Variants in CA10 observed in about 807,000 individuals in gnomAD.
CA10 encodes carbonic anhydrase 10 (inactive).
CA10 carries 14 observed loss-of-function variants against 44.2 expected under a neutral mutation model. That is an observed-to-expected ratio of 0.32 (90% confidence interval 0.21 to 0.50). The LOEUF (loss-of-function observed/expected upper bound fraction) is 0.50. Ranked by LOEUF, CA10 falls within the 20% of genes least tolerant of loss-of-function variation. CA10 has a pLI of 0.99. For synonymous variants in CA10, 159 were observed against 141.6 expected, an observed-to-expected ratio of 1.12 and a Z score of -0.87; for missense variants, 350 against 409.7, an observed-to-expected ratio of 0.85 and a Z score of 1.26.
chr17:51,843,026 G>A (rs1167267524), intron 3 of CA10, among the ~76,000 whole-genome samples: 1 of 152,216 alleles, frequency 6.6e-6, no homozygotes, highest in East Asian at 1.9e-4. Context: ...TTGTGAATGT[G>A]TTGAAGTTGG....
intron 3 of CA10, among the ~76,000 whole-genome samples, chr17:51,863,689 A>G (rs1466118034): frequency 6.6e-6 from 1 of 152,172 alleles, no homozygotes; most frequent in Non-Finnish European, 1.5e-5. Context: ...GTAATTCAAT[A>G]GAACTCCTCC....
chr17:51,936,211 G>C (rs1598126960), intron 2 of CA10, among the ~76,000 whole-genome samples: 1 of 152,262 alleles, frequency 6.6e-6, no homozygotes, highest in East Asian at 1.9e-4. Context: ...ACTGCCATCA[G>C]TTCTGGGAAG....
intron 3 of CA10, among the ~76,000 whole-genome samples, chr17:51,820,538 A>G (rs1907743274): frequency 6.6e-6 from 1 of 151,848 alleles, no homozygotes; most frequent in South Asian, 2.1e-4. Flanking sequence ...TCTGACGCAC[A>G]AACCCATTTC....
intron 3 of CA10, among the ~76,000 whole-genome samples, chr17:51,822,824 G>T (rs1317091551): frequency 1.3e-5 from 2 of 152,156 alleles, no homozygotes; most frequent in Non-Finnish European, 2.9e-5. Flanking sequence ...GTATTTGATG[G>T]GGGGTCCAAA....
At chr17:51,840,957 C>G (rs9303593) in intron 3 of CA10, among the ~76,000 whole-genome samples, 21,795 of 152,108 alleles carry the variant, frequency 0.14, 3,364 homozygotes, top group African/African-American at 0.39. Flanking sequence ...TTTCATGAGA[C>G]CCATGTGCTT....
At chr17:51,730,916 A>G (rs77118094) in intron 4 of CA10, among the ~76,000 whole-genome samples, 2 of 152,018 alleles carry the variant, frequency 1.3e-5, no homozygotes, top group African/African-American at 4.8e-5. Context: ...AAAAAAAAAA[A>G]AAGTGCTTGG....
intron 4 of CA10, among the ~76,000 whole-genome samples, chr17:51,668,270 C>T (rs867437223): frequency 7.2e-5 from 11 of 152,108 alleles, no homozygotes; most frequent in South Asian, 2.1e-4. Context: ...CAGGGAGGGG[C>T]GATTTCAAGA....
intron 3 of CA10, among the ~76,000 whole-genome samples, chr17:51,823,238 T>C (rs1907883430): frequency 6.6e-6 from 1 of 152,104 alleles, no homozygotes; most frequent in Non-Finnish European, 1.5e-5. Flanking sequence ...GGCGGTCACA[T>C]CAGAACCTCA....
intron 3 of CA10, among the ~76,000 whole-genome samples, chr17:51,899,084 C>T (rs1247022325): frequency 6.6e-6 from 1 of 151,836 alleles, no homozygotes. Context: ...CTTCTGCTAG[C>T]TTTGGGGTTG....
At chr17:52,013,634 A>G (rs951713884) in intron 2 of CA10, among the ~76,000 whole-genome samples, 10 of 151,982 alleles carry the variant, frequency 6.6e-5, no homozygotes, top group Admixed American at 2.6e-4. Context: ...AACTTGTTAG[A>G]GTATATACTT....
intron 2 of CA10, among the ~76,000 whole-genome samples, chr17:52,051,111 G>GAAGA (rs1987056625): frequency 6.8e-6 from 1 of 146,998 alleles, no homozygotes; most frequent in Non-Finnish European, 1.5e-5. Flanking sequence ...AAGGAAGGAA[G>GAAGA]AAGAAAAGAA....
chr17:51,804,128 TAAA>T (rs1907040341), intron 3 of CA10, among the ~76,000 whole-genome samples: 1 of 152,234 alleles, frequency 6.6e-6, no homozygotes, highest in African/African-American at 2.4e-5. Context: ...ATTTAAATGG[TAAA>T]TTAGTCCTAT....
chr17:51,657,811 G>T (rs972306165), intron 4 of CA10, among the ~76,000 whole-genome samples: 1 of 152,214 alleles, frequency 6.6e-6, no homozygotes, highest in African/African-American at 2.4e-5. Context: ...TGCATGATTT[G>T]ACTAAGACTG....
At chr17:52,156,954 C>T (rs1381465213) in intron 1 of CA10, among the ~76,000 whole-genome samples, 1 of 152,176 alleles carries the variant, frequency 6.6e-6, no homozygotes, top group South Asian at 2.1e-4. Flanking sequence ...AAAACCAGAA[C>T]TCGTCCTAAC....
At chr17:52,088,890 A>T (rs950953279) in intron 1 of CA10, among the ~76,000 whole-genome samples, 2 of 152,236 alleles carry the variant, frequency 1.3e-5, no homozygotes, top group Non-Finnish European at 2.9e-5. Flanking sequence ...AAAAGAAAAA[A>T]TTACCAAGCA....
At chr17:52,083,836 C>T (rs1988047449) in intron 1 of CA10, among the ~76,000 whole-genome samples, 1 of 151,830 alleles carries the variant, frequency 6.6e-6, no homozygotes, top group Admixed American at 6.6e-5. Context: ...ATGTTGATTC[C>T]ATATCTTTGC....
chr17:52,040,274 C>T (rs1986733279), intron 2 of CA10, among the ~76,000 whole-genome samples: 1 of 151,384 alleles, frequency 6.6e-6, no homozygotes, highest in Non-Finnish European at 1.5e-5. Context: ...ATATCAGGTT[C>T]CATAAATATC....
chr17:52,078,408 G>A (rs1454434320), intron 1 of CA10, among the ~76,000 whole-genome samples: 1 of 152,096 alleles, frequency 6.6e-6, no homozygotes, highest in African/African-American at 2.4e-5. Flanking sequence ...CCAAGCCCTG[G>A]GTCAGTACAA....
At position 51,717,849 on chromosome 17, in the gene CA10, A is replaced by G. The variant is rs1037957554; in HGVS notation, c.465+29784T>C. Reference sequence around the variant, plus strand: ...TGTGTGTATATATATATATATATATATATATATATATATATATATACAGGA... The same window carrying G: ...TGTGTGTATATATATATATATATATGTATATATATATATATATATACAGGA... On this transcript the variant is annotated intron_variant, in intron 4 of 8. Coordinates refer to ENST00000451037, the MANE Select transcript of CA10 (RefSeq NM_020178.5). Among the ~76,000 whole-genome samples the G allele has an allele frequency of 4.3e-4, 15 of 35,160 alleles. 1 individual carries two copies. Among genetic ancestry groups the G allele is most frequent in the African/African-American group, 1.1e-3 (12 of 10,988 alleles). The allele number at this position is 35,160 out of a possible 152,430, so 23.1% of individuals were successfully genotyped here.
Sources: allele counts gnomAD v4.1 joint callset (sites outside exome capture counted in the v4.1 genomes callset), GRCh38; gene constraint gnomAD v4.1.1; transcripts MANE v1.5; gene names NCBI Gene and HGNC (gene_info 2026-07-23, HGNC 2026-07-21).